Variants in PDE1C observed in about 807,000 individuals in gnomAD.
The protein encoded by PDE1C is phosphodiesterase 1C, also known as dual specificity calcium/calmodulin-dependent 3',5'-cyclic nucleotide phosphodiesterase 1C.
A neutral mutation model predicts 93.1 loss-of-function variants in PDE1C; 62 were observed. The observed-to-expected ratio is 0.67, with a 90% CI of 0.54 to 0.82. PDE1C has a LOEUF of 0.82. PDE1C is among the 40% of genes least tolerant of loss of function. PDE1C has a pLI of 0.00. For synonymous variants in PDE1C, 325 were observed against 310.1 expected (o/e 1.05, Z -0.50); for missense variants, 742 against 884.6 (o/e 0.84, Z 2.04).
intron 1 of PDE1C, among the ~76,000 whole-genome samples, chr7:32,056,310 G>A (rs1248989084): frequency 1.4e-5 from 2 of 143,256 alleles, no homozygotes; most frequent in African/African-American, 5.5e-5. Flanking sequence ...TCCCTGGAAT[G>A]GGTCCACCGT....
chr7:31,717,080 C>T, the PDE1C span, among the ~76,000 whole-genome samples: 2 of 152,196 alleles, frequency 1.3e-5, no homozygotes, highest in African/African-American at 4.8e-5. Context: ...ACAGGAAAGG[C>T]ACTTGCTCTG....
chr7:32,325,800 A>G (rs1294392519), intron 1 of PDE1C, among the ~76,000 whole-genome samples: 1 of 152,236 alleles, frequency 6.6e-6, no homozygotes, highest in Non-Finnish European at 1.5e-5. Flanking sequence ...TTATACAATT[A>G]TAAGGACTTT....
chr7:32,365,316 G>A (rs924398230), intron 1 of PDE1C, among the ~76,000 whole-genome samples: 6 of 152,116 alleles, frequency 3.9e-5, no homozygotes, highest in African/African-American at 1.2e-4. Flanking sequence ...TAGCAGCCCT[G>A]TAGGCCACCT....
intron 2 of PDE1C, among the ~76,000 whole-genome samples, chr7:32,190,756 A>G (rs1804181221): frequency 1.3e-5 from 2 of 152,256 alleles, no homozygotes; most frequent in Non-Finnish European, 2.9e-5. Context: ...GACAGCCATT[A>G]AAGATATACT....
intron 2 of PDE1C, among the ~76,000 whole-genome samples, chr7:31,974,570 C>A (rs1028795283): frequency 3.3e-5 from 5 of 152,028 alleles, no homozygotes; most frequent in Admixed American, 2.6e-4. Flanking sequence ...CTGGAGGGAG[C>A]CACTGGGACA....
intron 16 of PDE1C, chr7:31,786,024 C>T (rs1373575201): frequency 6.6e-6 from 1 of 152,188 alleles, no homozygotes; most frequent in African/African-American, 2.4e-5. Context: ...TCCAATATAA[C>T]ATCATTATTG....
At chr7:31,998,010 T>TTTTA (rs201906660) in intron 2 of PDE1C, among the ~76,000 whole-genome samples, 1,741 of 148,746 alleles carry the variant, frequency 0.012, 17 homozygotes, top group Non-Finnish European at 0.014. Flanking sequence ...TTTATTTTAT[T>TTTTA]TTTATTTATT....
At chr7:31,765,046 C>T (rs1156577351) in intron 17 of PDE1C, among the ~76,000 whole-genome samples, 2 of 152,164 alleles carry the variant, frequency 1.3e-5, no homozygotes, top group Non-Finnish European at 2.9e-5. Context: ...CTCAAGCTTT[C>T]AAGTTTGAGT....
chr7:31,866,974 C>A (rs1345312967), intron 6 of PDE1C, among the ~76,000 whole-genome samples: 1 of 152,026 alleles, frequency 6.6e-6, no homozygotes, highest in Non-Finnish European at 1.5e-5. Flanking sequence ...TCCCACACAT[C>A]CCCTAACCCC....
At chr7:32,048,639 AT>A in intron 2 of PDE1C, among the ~76,000 whole-genome samples, 1 of 152,244 alleles carries the variant, frequency 6.6e-6, no homozygotes, top group African/African-American at 2.4e-5. Context: ...GGTGGATCAG[AT>A]TCAAACCAGC....
intron 11 of PDE1C, among the ~76,000 whole-genome samples, chr7:31,836,280 C>T (rs1456447008): frequency 6.6e-6 from 1 of 152,134 alleles, no homozygotes; most frequent in Non-Finnish European, 1.5e-5. Flanking sequence ...TCTCTAGTTC[C>T]ATGCAATTTT....
intron 2 of PDE1C, among the ~76,000 whole-genome samples, chr7:32,187,933 C>T (rs922065597): frequency 2.6e-5 from 4 of 152,292 alleles, no homozygotes; most frequent in African/African-American, 9.6e-5. Context: ...CAGGACAGCA[C>T]AGTTCTACAG....
intron 17 of PDE1C, among the ~76,000 whole-genome samples, chr7:31,755,018 T>C (rs970955459): frequency 1.3e-5 from 2 of 152,214 alleles, no homozygotes; most frequent in African/African-American, 2.4e-5. Flanking sequence ...GTCATCGAAG[T>C]AACCTTGTAT....
the PDE1C span, among the ~76,000 whole-genome samples, chr7:31,621,874 G>A: frequency 6.6e-6 from 1 of 151,874 alleles, no homozygotes; most frequent in Non-Finnish European, 1.5e-5. Flanking sequence ...CTCACATGCA[G>A]AGACACATAG....
At chr7:31,704,956 T>C in the PDE1C span, among the ~76,000 whole-genome samples, 1 of 152,194 alleles carries the variant, frequency 6.6e-6, no homozygotes, top group South Asian at 2.1e-4. Flanking sequence ...TCGTGACATG[T>C]AGATACTCCT....
chr7:32,053,390 C>A (rs1419499141), intron 1 of PDE1C, among the ~76,000 whole-genome samples: 1 of 152,210 alleles, frequency 6.6e-6, no homozygotes, highest in African/African-American at 2.4e-5. Context: ...ACTTTCCAGG[C>A]AGCAGCCAAG....
At chr7:32,425,983 A>G (rs1219150871) in intron 1 of PDE1C, among the ~76,000 whole-genome samples, 1 of 152,120 alleles carries the variant, frequency 6.6e-6, no homozygotes, top group African/African-American at 2.4e-5. Context: ...AGGAGAAAAA[A>G]TGTGGTAATA....
At chr7:31,962,665 G>A (rs966211547) in intron 2 of PDE1C, among the ~76,000 whole-genome samples, 2 of 152,172 alleles carry the variant, frequency 1.3e-5, no homozygotes, top group Non-Finnish European at 2.9e-5. Flanking sequence ...AGTCATAGAA[G>A]GGAAGATGGC....
chr7:31,995,109 T>A (rs1381344429), intron 2 of PDE1C, among the ~76,000 whole-genome samples: 1 of 152,222 alleles, frequency 6.6e-6, no homozygotes, highest in Non-Finnish European at 1.5e-5. Context: ...AATGTTTGTT[T>A]CCAGATGCTA....
Sources: gnomAD v4.1 joint callset for allele counts (sites outside exome capture counted in the v4.1 genomes callset) on GRCh38, gnomAD v4.1.1 for gene constraint, MANE v1.5 for transcripts, NCBI Gene and HGNC (gene_info 2026-07-23, HGNC 2026-07-21) for gene names.